GRK1: variants seen among roughly 807,000 people sequenced by gnomAD.
GRK1 encodes rhodopsin kinase GRK1.
A neutral mutation model predicts 41.7 loss-of-function variants in GRK1; 28 were observed. That is an observed-to-expected ratio of 0.67 (90% CI 0.50 to 0.92). GRK1 has a LOEUF of 0.92. Ranked by LOEUF, GRK1 falls within the 40% of genes least tolerant of loss-of-function variation. The probability of loss-of-function intolerance (pLI) is 0.00; values close to 1 mark genes in which losing one functional copy is unlikely to be tolerated. For synonymous variants in GRK1, 327 were observed against 286.7 expected (o/e 1.14, Z -1.42); for missense variants, 703 against 671.2 (o/e 1.05, Z -0.52).
rs370686602 is a variant in GRK1 at position 113,669,770 on chromosome 13, C to T, written c.783C>T (p.Ala261=). 35 of 1,613,850 alleles carry T rather than the reference C, an allele frequency of 2.2e-5. No homozygotes were observed. The highest frequency in any genetic ancestry group is 1.6e-4 in the Middle Eastern group (1 of 6,084). Residue 261 remains alanine, a synonymous_variant, in exon 2 of 7, where the codon GCC becomes GCT. Coordinates refer to ENST00000335678, the MANE Select transcript of GRK1 (RefSeq NM_002929.3). ...TGGCCTATGCGTTTGAAACCAAAGC[C>T]GACCTCTGTCTGGTGATGACCATCA... ...VSLAYAFETK[A]DLCLVMTIMN...
chr13:113,649,457 C>G, the GRK1 span: 2 of 1,569,182 alleles, frequency 1.3e-6, no homozygotes, highest in Non-Finnish European at 1.7e-6. This position sits in a 1 kb window ranked among gnomAD's most constrained non-coding sequence, Gnocchi z 4.7. Flanking sequence ...TCCGCCATGA[C>G]CTTGCACACG....
In GRK1 at chr13:113,731,034, G is replaced by T. The variant is rs2049932922; in HGVS notation, c.1070-185G>T. On this transcript the variant is annotated intron_variant, in intron 4 of 6. Transcript: ENST00000335678. The surrounding 1 kb of genome is among the most constrained non-coding windows in gnomAD (Gnocchi z 5.6). ...CTGTCACCCCACAGGCAGAGTCTGG[G>T]GTGCTGCTTGGCACCCAGTAACACA... 5.5e-6 allele frequency: 2 copies of T among 364,586 alleles called. 1 individual carries two copies. The highest frequency in any genetic ancestry group is 1.3e-4 in the Admixed American group (2 of 15,490). The allele number at this position is 364,586 out of a possible 1,614,324, so 22.6% of individuals were successfully genotyped here.
intron 6 of GRK1, among the ~76,000 whole-genome samples, chr13:113,733,349 A>G (rs1229410690): frequency 2.0e-5 from 3 of 152,244 alleles, no homozygotes; most frequent in Non-Finnish European, 2.9e-5. Flanking sequence ...CTCGAGACCC[A>G]AACCTTCCAC....
chr13:113,733,901 GTGTGCATACAGTGTGCGTGTGTGCA>G lies in GRK1; in HGVS notation c.1396+821_1396+845del, dbSNP rs2049974138. ...TGCATACGTGTGTGCGTGTGTGTAT[GTGTGCATACAGTGTGCGTGTGTGCA>G]TGTGTGCATACGTGTGTGCGTGTGT... On this transcript the variant is annotated intron_variant, in intron 6 of 6. Coordinates refer to ENST00000335678, the MANE Select transcript of GRK1 (RefSeq NM_002929.3). 1.5e-4 allele frequency among the ~76,000 whole-genome samples: 17 copies of G among 116,356 alleles called. No homozygotes were observed. In the South Asian group the frequency reaches 1.8e-3, roughly 12 times the overall value. The allele number at this position is 116,356 out of a possible 152,430, so 76.3% of individuals were successfully genotyped here. A position where few individuals can be genotyped will look rare whatever the true frequency, so the allele number is the denominator to read the frequency against.
Position 113,672,086 on chromosome 13 carries a change from G to C in GRK1, c.985+430G>C, listed in dbSNP as rs979419668. Among the ~76,000 whole-genome samples the C allele has an allele frequency of 6.7e-3, 1,026 of 152,140 alleles. 12 individuals carry two copies. The highest frequency in any genetic ancestry group is 0.023 in the African/African-American group (957 of 41,462). On this transcript the variant is annotated intron_variant, in intron 3 of 6. Coordinates refer to ENST00000335678, the MANE Select transcript of GRK1 (RefSeq NM_002929.3). ...GTGGGCAACACTCACGCTCAGCTGT[G>C]GCACGGCCGGCCCTCTTCCCTACAC...
At chr13:113,733,723 G>A (rs548694236) in intron 6 of GRK1, among the ~76,000 whole-genome samples, 62 of 137,906 alleles carry the variant, frequency 4.5e-4, no homozygotes, top group East Asian at 4.3e-3. Context: ...GCACGTGTGT[G>A]TGCGCGCGTG....
rs150120633 is a variant in GRK1 at position 113,730,762 on chromosome 13, G to C, written c.1070-457G>C. 1.7e-3 allele frequency among the ~76,000 whole-genome samples: 254 copies of C among 152,380 alleles called. 1 individual carries two copies. The highest frequency in any genetic ancestry group is 3.1e-3 in the Non-Finnish European group (214 of 68,048). On this transcript the variant is annotated intron_variant, in intron 4 of 6. Transcript: ENST00000335678. ...GCTGAGGAAAAGGAGAGTGACCGTTGGTTGAGGCTCCCCAGGCCTCCTCTC... is the reference window on the plus strand; with the variant it reads ...GCTGAGGAAAAGGAGAGTGACCGTTCGTTGAGGCTCCCCAGGCCTCCTCTC...
At chr13:113,728,248 C>T (rs1243379036) in intron 4 of GRK1, among the ~76,000 whole-genome samples, 31 of 76,940 alleles carry the variant, frequency 4.0e-4, no homozygotes, top group African/African-American at 1.2e-3. Flanking sequence ...GTACCCATGG[C>T]GATGAGGAGT....
chr13:113,727,765 GTACCCAT>G (rs1303910637), intron 4 of GRK1, among the ~76,000 whole-genome samples: 1 of 105,224 alleles, frequency 9.5e-6, no homozygotes, highest in African/African-American at 3.5e-5. Context: ...GCGATGAGGA[GTACCCAT>G]GGCGATGAGG....
the GRK1 span, chr13:113,658,137 G>A: frequency 1.2e-6 from 2 of 1,612,248 alleles, no homozygotes; most frequent in South Asian, 1.1e-5. Flanking sequence ...CTCCTGCAGA[G>A]CCGCCATCGT....
the GRK1 span, among the ~76,000 whole-genome samples, chr13:113,650,168 C>CA: frequency 0.066 from 6,630 of 99,710 alleles, 396 homozygotes; most frequent in African/African-American, 0.19. This position sits in a 1 kb window ranked among gnomAD's most constrained non-coding sequence, Gnocchi z 5.0. Context: ...AAGACTGTCT[C>CA]AAAAAAAAAA....
chr13:113,649,667 C>T, the GRK1 span: 56 of 1,025,912 alleles, frequency 5.5e-5, no homozygotes, highest in East Asian at 6.1e-5. The surrounding 1 kb of genome is among the most constrained non-coding windows in gnomAD (Gnocchi z 4.7). Context: ...TGGCCCTGAC[C>T]GAGTGCATGC....
At chr13:113,651,584 C>T in the GRK1 span, 3 of 1,381,772 alleles carry the variant, frequency 2.2e-6, no homozygotes, top group Non-Finnish European at 2.9e-6. Flanking sequence ...TGGAGAGAAC[C>T]AGGTGGGCCG....
Position 113,731,429 on chromosome 13 carries a change from G to T in GRK1, c.1194+86G>T. 4.7e-6 allele frequency: 7 copies of T among 1,501,570 alleles called. No individual in the cohort carries two copies. The highest frequency in any genetic ancestry group is 2.5e-5 in the South Asian group (2 of 79,692). 93.0% of individuals were successfully genotyped at this position (1,501,570 alleles called of 1,614,324 possible). A position where few individuals can be genotyped will look rare whatever the true frequency, so the allele number is the denominator to read the frequency against. ...CGGGGCAGTGATGGGATCGTTACTG[G>T]GGCAGACCTGGGAGTTGTTCTGTGG... On this transcript the variant is annotated intron_variant, in intron 5 of 6. Coordinates refer to ENST00000335678, the MANE Select transcript of GRK1 (RefSeq NM_002929.3). This position sits in a 1 kb window ranked among gnomAD's most constrained non-coding sequence, Gnocchi z 5.6.
chr13:113,731,459 T>G lies in GRK1; in HGVS notation c.1194+116T>G. 7.6e-5 allele frequency: 103 copies of G among 1,351,856 alleles called. No homozygotes were observed. The highest frequency in any genetic ancestry group is 2.0e-4 in the Middle Eastern group (1 of 4,916). 83.7% of individuals were successfully genotyped at this position (1,351,856 alleles called of 1,614,324 possible). A position where few individuals can be genotyped will look rare whatever the true frequency, so the allele number is the denominator to read the frequency against. On this transcript the variant is annotated intron_variant, in intron 5 of 6. Coordinates refer to ENST00000335678, the MANE Select transcript of GRK1 (RefSeq NM_002929.3). This position sits in a 1 kb window ranked among gnomAD's most constrained non-coding sequence, Gnocchi z 5.6. Reference sequence around the variant, plus strand: ...GACCTGGGAGTTGTTCTGTGGGCCCTGGGGTGGGGAGGGCACAGATTCACG... The same window carrying G: ...GACCTGGGAGTTGTTCTGTGGGCCCGGGGGTGGGGAGGGCACAGATTCACG...
chr13:113,665,350 G>T (rs944228905), upstream of GRK1, among the ~76,000 whole-genome samples: 7 of 149,006 alleles, frequency 4.7e-5, no homozygotes, highest in Middle Eastern at 3.4e-3. Flanking sequence ...CAGGTGTGTT[G>T]CAGGTGTGTC....
At chr13:113,724,211 C>T (rs1483325383) in intron 4 of GRK1, among the ~76,000 whole-genome samples, 2 of 152,200 alleles carry the variant, frequency 1.3e-5, no homozygotes, top group African/African-American at 2.4e-5. Context: ...ACTTAACCTC[C>T]GAGCCTCCTG....
Position 113,735,608 on chromosome 13 carries a change from C to T in GRK1, c.*245C>T, listed in dbSNP as rs181390102. ...ATTTCACGTCTTTTGCTCCATCTCA[C>T]TGAGAAGACATAAGATGCTCTCCAG... is the stretch of plus-strand genomic sequence containing the variant. On this transcript the variant is annotated 3_prime_UTR_variant, in exon 7 of 7. Transcript: ENST00000335678. The T allele has an allele frequency of 1.6e-4, 70 of 435,418 alleles. No homozygotes were observed. In the Middle Eastern group the frequency reaches 7.7e-3, roughly 48 times the overall value. The allele number at this position is 435,418 out of a possible 1,614,324, so 27.0% of individuals were successfully genotyped here. A position where few individuals can be genotyped will look rare whatever the true frequency, so the allele number is the denominator to read the frequency against.
At chr13:113,657,314 G>T in the GRK1 span, among the ~76,000 whole-genome samples, 1 of 152,208 alleles carries the variant, frequency 6.6e-6, no homozygotes, top group African/African-American at 2.4e-5. Flanking sequence ...CCCAGGGGTC[G>T]CAGGGGGAGG....
Sources: gnomAD v4.1 joint callset for allele counts (sites outside exome capture counted in the v4.1 genomes callset) on GRCh38, gnomAD v4.1.1 for gene constraint, Gnocchi (gnomAD v3.1) non-coding constraint, MANE v1.5 for transcripts, NCBI Gene and HGNC (gene_info 2026-07-23, HGNC 2026-07-21) for gene names.